The following ATG16L2 variants were observed in gnomAD, a reference collection of about 807,000 sequenced individuals.
ATG16L2 encodes protein Atg16l2.
In ATG16L2, 77 loss-of-function variants were observed where a neutral mutation model predicts 84.7. The ratio of observed to expected loss-of-function variants is 0.91; its 90% CI spans 0.76 to 1.10. The LOEUF is 1.10. Ranked by LOEUF, ATG16L2 falls within the 50% of genes least tolerant of loss-of-function variation. The pLI, the probability that ATG16L2 is intolerant of heterozygous loss-of-function variation, is 0.00. For synonymous variants in ATG16L2, 361 were observed against 342.8 expected (o/e 1.05, Z -0.59); for missense variants, 782 against 817.6 (o/e 0.96, Z 0.53).
chr11:72,837,740 G>A (rs932931740), intron 5 of ATG16L2: 1 of 152,224 alleles, frequency 6.6e-6, no homozygotes, highest in Non-Finnish European at 1.5e-5. Flanking sequence ...GAGCCACCAG[G>A]TTCTTCCTTC....
chr11:72,829,259 C>T (rs1860539400), intron 17 of ATG16L2, 44 bp from the exon 18 acceptor site: 2 of 1,596,990 alleles, frequency 1.3e-6, no homozygotes, highest in East Asian at 4.5e-5. Context: ...GTTGCAGGCG[C>T]AGTTCCTGAA....
At chr11:72,835,928 G>A (rs192417812) in intron 5 of ATG16L2, among the ~76,000 whole-genome samples, 135 of 152,044 alleles carry the variant, frequency 8.9e-4, no homozygotes, top group African/African-American at 3.0e-3. Context: ...TTGTATTTTC[G>A]GTAGAGACTG....
chr11:72,826,218 T>C lies in ATG16L2; in HGVS notation c.1148T>C (p.Ile383Thr), dbSNP rs777392140. The change falls in exon 11 of 18, where the codon ATC (isoleucine) becomes ACC (threonine). Residue 383 changes from isoleucine to threonine, a missense_variant. Physicochemically the swap from Ile to Thr is moderately conservative, Grantham distance 89. Coordinates refer to ENST00000321297, the MANE Select transcript of ATG16L2 (RefSeq NM_033388.2). ...NQTLEGAGGS[I>T]TSVDFDPSGY... ...ACCCTGGAGGGAGCTGGTGGCAGCA[T>C]CACCAGTGTGGACTTTGACCCCTCG... 13 of 1,613,880 alleles carry C rather than the reference T, an allele frequency of 8.1e-6. No homozygotes were observed. Among genetic ancestry groups the C allele is most frequent in the Admixed American group, 1.7e-5 (1 of 59,978 alleles).
At chr11:72,814,873 C>T (rs1016014421) in intron 1 of ATG16L2, among the ~76,000 whole-genome samples, 8 of 152,214 alleles carry the variant, frequency 5.3e-5, no homozygotes, top group African/African-American at 1.9e-4. Flanking sequence ...TCTCTTTTGC[C>T]TCCCCACCCG....
In ATG16L2 at chr11:72,814,461, GT is replaced by G; in HGVS notation, c.17del (p.Val6AlafsTer39). The G allele has an allele frequency of 1.3e-6, 2 of 1,506,842 alleles. No homozygotes were observed. The highest frequency in any genetic ancestry group is 1.8e-6 in the Non-Finnish European group (2 of 1,122,726). The allele number at this position is 1,506,842 out of a possible 1,614,324, so 93.3% of individuals were successfully genotyped here. A position where few individuals can be genotyped will look rare whatever the true frequency, so the allele number is the denominator to read the frequency against. MAGPGVPGAPAARWKR... is the reference protein window; with the variant it reads MAGPGXPGAPAARWKR... The stretch of plus-strand genomic sequence containing the variant: ...GAGCGCGGCCATGGCGGGGCCGGGC[GT>G]CCCCGGTGCCCCCGCAGCGCGCTGG... On this transcript the variant is annotated frameshift_variant, in exon 1 of 18. Transcript: ENST00000321297. LOFTEE classifies it high-confidence loss of function.
At chr11:72,833,208 G>C (rs778946816), downstream of ATG16L2, among the ~76,000 whole-genome samples, 1 of 152,138 alleles carries the variant, frequency 6.6e-6, no homozygotes, top group African/African-American at 2.4e-5. Flanking sequence ...CAGCACATTT[G>C]CTGAATTGAA....
chr11:72,828,213 C>T, intron 14 of ATG16L2, 146 bp from the exon 15 acceptor site: 2 of 793,144 alleles, frequency 2.5e-6, no homozygotes, highest in Non-Finnish European at 2.0e-6. Context: ...GGAGATGAGT[C>T]ACTCGCAGCC....
rs1259916359 is a variant in ATG16L2 at position 72,822,218 on chromosome 11, C to G, written c.567C>G (p.Arg189=). 2 of 1,505,102 alleles carry G rather than the reference C, an allele frequency of 1.3e-6. No individual in the cohort carries two copies. Among genetic ancestry groups the G allele is most frequent in the East Asian group, 2.6e-5 (1 of 38,754 alleles). 93.2% of individuals were successfully genotyped at this position (1,505,102 alleles called of 1,614,324 possible). The change falls in exon 5 of 18, where the codon CGC becomes CGG. Residue 189 remains arginine (R), a synonymous_variant. Transcript: ENST00000321297. This position sits in a 1 kb window ranked among gnomAD's most constrained non-coding sequence, Gnocchi z 4.2. ...TGCGCAGGCTCCAGGAAGAGGCGCGCGACCTGCTGGAGAGGCTCGTGCAGC... is the reference window on the plus strand; with the variant it reads ...TGCGCAGGCTCCAGGAAGAGGCGCGGGACCTGCTGGAGAGGCTCGTGCAGC... ...AALRRLQEEA[R]DLLERLVQRK... is the part of the protein sequence containing the mutation.
intron 5 of ATG16L2, chr11:72,840,805 G>C: frequency 1.7e-6 from 2 of 1,148,534 alleles, no homozygotes; most frequent in Non-Finnish European, 2.6e-6. Flanking sequence ...GGGGCCACGG[G>C]GAAACATTAA....
chr11:72,830,259 T>G (rs1860577106), downstream of ATG16L2, among the ~76,000 whole-genome samples: 1 of 148,394 alleles, frequency 6.7e-6, no homozygotes, highest in Admixed American at 6.6e-5. Context: ...GTTGGTTAAA[T>G]GGCAACACCT....
At chr11:72,816,698 G>T in intron 1 of ATG16L2, 30 bp from the exon 2 acceptor site, 1 of 1,575,916 alleles carries the variant, frequency 6.3e-7, no homozygotes, top group Non-Finnish European at 8.7e-7. Flanking sequence ...ATCTGTCTCT[G>T]CCCCAGGCTC....
downstream of ATG16L2, among the ~76,000 whole-genome samples, chr11:72,831,101 C>G (rs1459234401): frequency 6.6e-6 from 1 of 152,334 alleles, no homozygotes; most frequent in Admixed American, 6.5e-5. Context: ...TATCTGCCTC[C>G]TCCATTTTAA....
At chr11:72,825,096 C>T (rs546474256) in intron 9 of ATG16L2, among the ~76,000 whole-genome samples, 71 of 152,080 alleles carry the variant, frequency 4.7e-4, no homozygotes, top group Non-Finnish European at 8.4e-4. Flanking sequence ...TAGCATAGCA[C>T]GGAGGCTGCT....
chr11:72,821,605 C>T (rs1169439298), intron 3 of ATG16L2, 63 bp from the exon 4 acceptor site: 10 of 1,509,606 alleles, frequency 6.6e-6, no homozygotes, highest in Non-Finnish European at 8.8e-6. Flanking sequence ...GCGCCTTCGG[C>T]CCCGGAGGGA....
intron 14 of ATG16L2, among the ~76,000 whole-genome samples, chr11:72,828,075 A>G (rs966315610): frequency 6.6e-6 from 1 of 152,236 alleles, no homozygotes; most frequent in African/African-American, 2.4e-5. Flanking sequence ...TATTTTTTAA[A>G]GACGAGACTT....
rs895950720 is a variant in ATG16L2, at chr11:72,824,261, CA to C, written c.887+140del. ...CTGTGAGTCTGTTGGGCCTTGGAGA[CA>C]GGAGCCAGGTGAATGGCCTCAGCCC... On this transcript the variant is annotated intron_variant, in intron 8 of 17. Transcript: ENST00000321297. 4 of 1,036,148 alleles carry C rather than the reference CA, an allele frequency of 3.9e-6. No homozygotes were observed. The Admixed American group carries it at 7.5e-5, about 20-fold the overall frequency. The allele number at this position is 1,036,148 out of a possible 1,614,324, so 64.2% of individuals were successfully genotyped here. A position where few individuals can be genotyped will look rare whatever the true frequency, so the allele number is the denominator to read the frequency against.
chr11:72,829,230 G>C, intron 17 of ATG16L2, 73 bp from the exon 18 acceptor site: 1 of 1,520,100 alleles, frequency 6.6e-7, no homozygotes, highest in Non-Finnish European at 9.0e-7. Context: ...CCCAGGTCCA[G>C]CAGTCGGGGC....
At chr11:72,838,637 G>T in intron 5 of ATG16L2, 1 of 617,160 alleles carries the variant, frequency 1.6e-6, no homozygotes. Context: ...TCAAAACGTG[G>T]GAGGAGTCTA....
rs370112019 is a variant in ATG16L2 at position 72,825,397 on chromosome 11, T to A, written c.1092T>A (p.Asn364Lys). 1.9e-6 allele frequency: 3 copies of A among 1,611,980 alleles called. No individual in the cohort carries two copies. Among genetic ancestry groups the A allele is most frequent in the Non-Finnish European group, 2.5e-6 (3 of 1,179,884 alleles). The change falls in exon 10 of 18, where the codon AAT (asparagine) becomes AAA (lysine). Residue 364 changes from asparagine to lysine, a missense_variant. Transcript: ENST00000321297. ...GGADRLIHLW[N>K]VVGSRLEANQ... Reference sequence around the variant, plus strand: ...CTGACCGCCTGATCCACCTCTGGAATGTTGTGGGAAGTAAGGAGCCCTCCC... The same window carrying A: ...CTGACCGCCTGATCCACCTCTGGAAAGTTGTGGGAAGTAAGGAGCCCTCCC...
Sources: allele counts gnomAD v4.1 joint callset (sites outside exome capture counted in the v4.1 genomes callset), GRCh38; gene constraint gnomAD v4.1.1; non-coding constraint Gnocchi (gnomAD v3.1); transcripts MANE v1.5; gene names NCBI Gene and HGNC (gene_info 2026-07-23, HGNC 2026-07-21).